Variants in SOCS6 observed in about 807,000 individuals in gnomAD.
SOCS6 encodes the protein suppressor of cytokine signaling 6, also known as STAT induced STAT inhibitor-4.
SOCS6 carries 5 observed loss-of-function variants against 27.7 expected under a neutral mutation model. That is an observed-to-expected ratio of 0.18 (90% CI 0.09 to 0.38). The LOEUF (loss-of-function observed/expected upper bound fraction) is 0.38. Among genes scored for constraint, SOCS6 ranks in the 10% least tolerant of loss-of-function variants. The probability of loss-of-function intolerance (pLI) is 1.00; values close to 1 mark genes in which losing one functional copy is unlikely to be tolerated. For missense variants in SOCS6, 595 were observed against 688.1 expected (o/e 0.86, Z 1.51); for synonymous variants, 271 against 260.0 (o/e 1.04, Z -0.41).
chr18:70,307,848 A>G (rs2062375733), intron 1 of SOCS6, among the ~76,000 whole-genome samples: 1 of 151,634 alleles, frequency 6.6e-6, no homozygotes, highest in South Asian at 2.1e-4. Flanking sequence ...TATTTTATTA[A>G]TTTCTACTCT....
chr18:70,289,950 AGT>A (rs1215029755), intron 1 of SOCS6, among the ~76,000 whole-genome samples: 1 of 152,174 alleles, frequency 6.6e-6, no homozygotes, highest in African/African-American at 2.4e-5. Flanking sequence ...TATGTGCAGT[AGT>A]GTGTGTGCCA....
chr18:70,295,325 G>A (rs895027849), intron 1 of SOCS6, among the ~76,000 whole-genome samples: 6 of 152,160 alleles, frequency 3.9e-5, no homozygotes, highest in African/African-American at 1.4e-4. Context: ...GCTGTTTATG[G>A]TGGCACTTAC....
In SOCS6 at chr18:70,323,643, T is replaced by C. The variant is rs112510857; in HGVS notation, c.-126-900T>C. ...TCTTCCTCCTCTGTGCATTGGGAAC[T>C]TGAAGGTAAATGATTCTTGTTCTCA... On this transcript the variant is annotated intron_variant, in intron 1 of 1. Coordinates refer to ENST00000397942, the MANE Select transcript of SOCS6 (RefSeq NM_004232.4). Among the ~76,000 whole-genome samples, 1,416 of 152,324 alleles carry C rather than the reference T, an allele frequency of 9.3e-3. 15 individuals carry two copies. The highest frequency in any genetic ancestry group is 0.016 in the Non-Finnish European group (1,111 of 68,028).
chr18:70,301,149 C>G (rs186090106), intron 1 of SOCS6, among the ~76,000 whole-genome samples: 8 of 152,266 alleles, frequency 5.3e-5, no homozygotes, highest in Non-Finnish European at 1.0e-4. Flanking sequence ...TGGCAGAAGA[C>G]ATAAGACTCT....
chr18:70,307,876 T>C (rs2146276391), intron 1 of SOCS6, among the ~76,000 whole-genome samples: 1 of 152,342 alleles, frequency 6.6e-6, no homozygotes, highest in Non-Finnish European at 1.5e-5. Flanking sequence ...ACTATTTTAT[T>C]CTACTTTCAT....
chr18:70,307,685 G>A (rs2062374947), intron 1 of SOCS6, among the ~76,000 whole-genome samples: 1 of 152,110 alleles, frequency 6.6e-6, no homozygotes, highest in South Asian at 2.1e-4. Flanking sequence ...AGGCTTGATA[G>A]TGATAGCCTT....
intron 1 of SOCS6, among the ~76,000 whole-genome samples, chr18:70,291,218 T>C (rs1030759980): frequency 6.6e-6 from 1 of 152,170 alleles, no homozygotes; most frequent in East Asian, 1.9e-4. Flanking sequence ...GTGATCCACC[T>C]CCCTCAGCCT....
Position 70,326,622 on chromosome 18 carries a change from T to C in SOCS6, c.*346T>C. ...TTTTATGCATTAAAAGCACATTTCA[T>C]GTGTATTCAACCCTAAGTAAAGTTG... On this transcript the variant is annotated 3_prime_UTR_variant, in exon 2 of 2. Transcript: ENST00000397942. 4.1e-6 allele frequency: 1 copy of C among 241,082 alleles called. No homozygotes were observed. Among genetic ancestry groups the C allele is most frequent in the South Asian group, 7.8e-5 (1 of 12,846 alleles). The allele number at this position is 241,082 out of a possible 1,614,324, so 14.9% of individuals were successfully genotyped here. A position where few individuals can be genotyped will look rare whatever the true frequency, so the allele number is the denominator to read the frequency against.
intron 1 of SOCS6, among the ~76,000 whole-genome samples, chr18:70,293,299 G>A (rs190401868): frequency 1.3e-5 from 2 of 152,086 alleles, no homozygotes; most frequent in African/African-American, 2.4e-5. Context: ...GTAAATCATA[G>A]CACTAATAAA....
rs951131504 is a variant in SOCS6 at position 70,328,282 on chromosome 18, G to A, written c.*2006G>A. ...CCCTGTGCATCTATATTAGATGGCA[G>A]GTTTTGTCACAGAGTCACTGTGTAT... On this transcript the variant is annotated 3_prime_UTR_variant, in exon 2 of 2. Coordinates refer to ENST00000397942, the MANE Select transcript of SOCS6 (RefSeq NM_004232.4). The A allele has an allele frequency of 1.8e-5, 3 of 167,008 alleles. No individual in the cohort carries two copies. The highest frequency in any genetic ancestry group is 4.4e-5 in the Non-Finnish European group (3 of 68,112). 10.3% of individuals were successfully genotyped at this position (167,008 alleles called of 1,614,324 possible). A position where few individuals can be genotyped will look rare whatever the true frequency, so the allele number is the denominator to read the frequency against.
rs1189475297 is a variant in SOCS6 at position 70,324,999 on chromosome 18, A to G, written c.331A>G (p.Ile111Val). Reference sequence around the variant, plus strand: ...CACCTTCTCCTCCTCCTCAGCACCCATAGTCTTTAAAGACGTGAGAGCTCA... The same window carrying G: ...CACCTTCTCCTCCTCCTCAGCACCCGTAGTCTTTAAAGACGTGAGAGCTCA... ...EDTFSSSSAP[I>V]VFKDVRAQRP... Residue 111 changes from isoleucine (I) to valine (V), a missense_variant, in exon 2 of 2, where the codon ATA becomes GTA. Coordinates refer to ENST00000397942, the MANE Select transcript of SOCS6 (RefSeq NM_004232.4). The G allele has an allele frequency of 1.3e-5, 21 of 1,613,722 alleles. No homozygotes were observed. Among genetic ancestry groups the G allele is most frequent in the Non-Finnish European group, 1.6e-5 (19 of 1,179,902 alleles).
chr18:70,315,882 T>G (rs1052215102), intron 1 of SOCS6, among the ~76,000 whole-genome samples: 12 of 152,186 alleles, frequency 7.9e-5, no homozygotes, highest in African/African-American at 2.9e-4. Flanking sequence ...TTTTGTGGTT[T>G]TTTTTGAGAT....
At chr18:70,295,158 A>G (rs150270728) in intron 1 of SOCS6, among the ~76,000 whole-genome samples, 19 of 152,362 alleles carry the variant, frequency 1.2e-4, no homozygotes, top group African/African-American at 4.3e-4. Flanking sequence ...CTGAGATTAT[A>G]CTTAATATAC....
intron 1 of SOCS6, among the ~76,000 whole-genome samples, chr18:70,310,643 C>T (rs1049202340): frequency 3.3e-5 from 5 of 151,886 alleles, no homozygotes; most frequent in Admixed American, 6.6e-5. Flanking sequence ...AGTGAATCCC[C>T]TAGGTATATA....
chr18:70,289,991 G>C (rs1043815457), intron 1 of SOCS6, among the ~76,000 whole-genome samples: 1 of 152,186 alleles, frequency 6.6e-6, no homozygotes, highest in African/African-American at 2.4e-5. Context: ...ATGTGAAATT[G>C]GGGTTCCCAT....
At chr18:70,310,303 G>A (rs1403661433) in intron 1 of SOCS6, among the ~76,000 whole-genome samples, 1 of 150,096 alleles carries the variant, frequency 6.7e-6, no homozygotes, top group Non-Finnish European at 1.5e-5. Flanking sequence ...TTGAGACAGG[G>A]TCTCACTCTG....
intron 1 of SOCS6, among the ~76,000 whole-genome samples, chr18:70,305,751 CTG>C (rs1201888438): frequency 6.6e-6 from 1 of 152,144 alleles, no homozygotes; most frequent in African/African-American, 2.4e-5. Context: ...GTAGTTTTGA[CTG>C]TATGAATCTT....
chr18:70,320,566 G>A (rs1910947361), intron 1 of SOCS6, among the ~76,000 whole-genome samples: 1 of 151,704 alleles, frequency 6.6e-6, no homozygotes, highest in South Asian at 2.1e-4. Context: ...GATATTTTGC[G>A]AGAGAGAGAG....
chr18:70,299,530 T>G (rs571445185), intron 1 of SOCS6, among the ~76,000 whole-genome samples: 1 of 152,240 alleles, frequency 6.6e-6, no homozygotes, highest in Non-Finnish European at 1.5e-5. Flanking sequence ...AATCCTTTCC[T>G]TTTCTCTTCA....
Sources: allele counts gnomAD v4.1 joint callset (sites outside exome capture counted in the v4.1 genomes callset), GRCh38; gene constraint gnomAD v4.1.1; transcripts MANE v1.5; gene names NCBI Gene and HGNC (gene_info 2026-07-23, HGNC 2026-07-21).